Variants in GRIK3 observed in about 807,000 individuals in gnomAD.
GRIK3 encodes glutamate ionotropic receptor kainate type subunit 3, also known as glutamate receptor ionotropic, kainate 3.
In GRIK3, 29 loss-of-function variants were observed where a neutral mutation model predicts 102.5. The observed-to-expected ratio is 0.28, with a 90% CI of 0.21 to 0.39. The LOEUF (loss-of-function observed/expected upper bound fraction) is 0.39. Ranked by LOEUF, GRIK3 falls within the 10% of genes least tolerant of loss-of-function variation. The pLI is 1.00. For synonymous variants in GRIK3, 511 were observed against 504.9 expected, an observed-to-expected ratio of 1.01 and a Z score of -0.16; for missense variants, 908 against 1,252.4, an observed-to-expected ratio of 0.73 and a Z score of 4.15.
chr1:37,003,522 T>TG (rs1166741749), intron 1 of GRIK3, among the ~76,000 whole-genome samples: 1 of 152,156 alleles, frequency 6.6e-6, no homozygotes, highest in Non-Finnish European at 1.5e-5. Flanking sequence ...CCGGAGGTGG[T>TG]GGGGGTCTGT....
At chr1:36,842,217 G>T (rs1261862263) in intron 9 of GRIK3, among the ~76,000 whole-genome samples, 1 of 152,156 alleles carries the variant, frequency 6.6e-6, no homozygotes, top group African/African-American at 2.4e-5. Context: ...GTGGAGCAGG[G>T]CTTTGAACTG....
chr1:36,921,085 G>A (rs1163163656), intron 1 of GRIK3, among the ~76,000 whole-genome samples: 1 of 152,268 alleles, frequency 6.6e-6, no homozygotes, highest in Non-Finnish European at 1.5e-5. Context: ...GAGGGCCAGA[G>A]AGAGGGCAAG....
chr1:36,883,336 A>G (rs559085366), intron 2 of GRIK3, among the ~76,000 whole-genome samples: 1 of 152,358 alleles, frequency 6.6e-6, no homozygotes, highest in South Asian at 2.1e-4. Flanking sequence ...AGGTAGCACC[A>G]GGACCCCATT....
At chr1:36,803,322 G>A (rs1224907221) in intron 15 of GRIK3, among the ~76,000 whole-genome samples, 1 of 152,240 alleles carries the variant, frequency 6.6e-6, no homozygotes, top group Non-Finnish European at 1.5e-5. Flanking sequence ...CAGGAGTGGA[G>A]CAGAGTAGGG....
intron 1 of GRIK3, among the ~76,000 whole-genome samples, chr1:36,973,234 C>G (rs887046016): frequency 6.6e-6 from 1 of 152,140 alleles, no homozygotes; most frequent in African/African-American, 2.4e-5. Context: ...TTAGAAGCAA[C>G]ACTCCACCCC....
In GRIK3 at chr1:36,817,210, G is replaced by A; in HGVS notation, c.1941C>T (p.Leu647=). ...IIGGIWWFFT[L]IIISSYTANL... ...TGGCCGTGTAGGAAGAGATGATGATGAGCGTGAAGAACCACCAGATGCCAC... is the reference window on the plus strand; with the variant it reads ...TGGCCGTGTAGGAAGAGATGATGATAAGCGTGAAGAACCACCAGATGCCAC... The change falls in exon 13 of 16, where the codon CTC becomes CTT. Residue 647 remains leucine (L), a synonymous_variant. Coordinates refer to ENST00000373091, the MANE Select transcript of GRIK3 (RefSeq NM_000831.4). The A allele has an allele frequency of 1.2e-6, 2 of 1,613,902 alleles. No individual in the cohort carries two copies. Among genetic ancestry groups the A allele is most frequent in the Non-Finnish European group, 1.7e-6 (2 of 1,179,796 alleles).
chr1:36,853,750 A>G (rs367887885), intron 7 of GRIK3, 28 bp from the exon 8 acceptor site: 31 of 1,237,126 alleles, frequency 2.5e-5, no homozygotes, highest in African/African-American at 4.4e-5. Flanking sequence ...CAGAGCGGCA[A>G]TTCCTCGGGC....
At chr1:36,984,148 C>T (rs969271724) in intron 1 of GRIK3, among the ~76,000 whole-genome samples, 6 of 152,248 alleles carry the variant, frequency 3.9e-5, no homozygotes, top group Non-Finnish European at 8.8e-5. Flanking sequence ...CAACCACATA[C>T]CACCACTCAT....
In GRIK3 at chr1:36,817,157, C is replaced by T. The variant is rs569239695; in HGVS notation, c.1994G>A (p.Arg665His). 1.4e-5 allele frequency: 22 copies of T among 1,614,034 alleles called. No individual in the cohort carries two copies. The highest frequency in any genetic ancestry group is 3.3e-5 in the South Asian group (3 of 91,062). ...AGCAGAGTCAATGGGTGATTCCATGCGCTCCACGGTCAGAAAGGCAGCCAG... is the reference window on the plus strand; with the variant it reads ...AGCAGAGTCAATGGGTGATTCCATGTGCTCCACGGTCAGAAAGGCAGCCAG... ...ANLAAFLTVERMESPIDSADD... is the reference protein window; with the variant it reads ...ANLAAFLTVEHMESPIDSADD... Residue 665 changes from arginine (R) to histidine (H), a missense_variant, in exon 13 of 16, where the codon CGC becomes CAC. This residue lies in a region of GRIK3 where 297 missense variants were observed against 362.7 expected (regional missense o/e 0.82). Coordinates refer to ENST00000373091, the MANE Select transcript of GRIK3 (RefSeq NM_000831.4).
chr1:36,950,176 G>C (rs1177319393), intron 1 of GRIK3, among the ~76,000 whole-genome samples: 1 of 152,194 alleles, frequency 6.6e-6, no homozygotes, highest in South Asian at 2.1e-4. Context: ...CCCAGTCCTA[G>C]AAGTGTAGAA....
chr1:36,858,891 T>C (rs1295516653), intron 7 of GRIK3, among the ~76,000 whole-genome samples: 1 of 152,236 alleles, frequency 6.6e-6, no homozygotes, highest in Non-Finnish European at 1.5e-5. Context: ...GCTGAGCACT[T>C]ACCACATGCC....
intron 1 of GRIK3, among the ~76,000 whole-genome samples, chr1:37,003,296 T>C (rs1642497876): frequency 6.6e-6 from 1 of 152,240 alleles, no homozygotes; most frequent in Non-Finnish European, 1.5e-5. Context: ...CTTTAAATCA[T>C]TTTTGTGAAA....
At chr1:36,913,122 T>C (rs887258586) in intron 1 of GRIK3, among the ~76,000 whole-genome samples, 2 of 152,156 alleles carry the variant, frequency 1.3e-5, no homozygotes, top group Non-Finnish European at 2.9e-5. Context: ...GTGCCTGGCA[T>C]GAGTAGGCAG....
intron 1 of GRIK3, among the ~76,000 whole-genome samples, chr1:36,971,049 G>A (rs1642134779): frequency 6.6e-6 from 1 of 152,224 alleles, no homozygotes; most frequent in South Asian, 2.1e-4. Flanking sequence ...TGGCTTTACT[G>A]CTGTGGGACA....
chr1:36,884,619 C>T (rs1641018419), intron 2 of GRIK3, among the ~76,000 whole-genome samples: 1 of 152,206 alleles, frequency 6.6e-6, no homozygotes, highest in South Asian at 2.1e-4. Flanking sequence ...CCTGTAAACC[C>T]TGTAGGTTTC....
At position 36,829,006 on chromosome 1, in the gene GRIK3, G is replaced by C. The variant is rs563416164; in HGVS notation, c.1531-3180C>G. Reference sequence around the variant, plus strand: ...GTTTTAATGGGGTCAGGAGACCAAGGCATCCGCAGCATTCTATACCTACGG... The same window carrying C: ...GTTTTAATGGGGTCAGGAGACCAAGCCATCCGCAGCATTCTATACCTACGG... On this transcript the variant is annotated intron_variant, in intron 10 of 15. Transcript: ENST00000373091. 1.1e-4 allele frequency among the ~76,000 whole-genome samples: 17 copies of C among 152,282 alleles called. No homozygotes were observed. In the East Asian group the frequency reaches 3.3e-3, roughly 29 times the overall value.
In GRIK3 at chr1:36,921,403, A is replaced by G. The variant is rs145140474; in HGVS notation, c.116-30307T>C. Among the ~76,000 whole-genome samples the G allele has an allele frequency of 6.2e-3, 949 of 152,312 alleles. 13 individuals carry two copies. The highest frequency in any genetic ancestry group is 0.021 in the African/African-American group (890 of 41,564). ...GGGATGATCTTGTTAGCACATGATC[A>G]TTCTCAAATACTACTGAAGGATGAT... On this transcript the variant is annotated intron_variant, in intron 1 of 15. Coordinates refer to ENST00000373091, the MANE Select transcript of GRIK3 (RefSeq NM_000831.4).
intron 1 of GRIK3, among the ~76,000 whole-genome samples, chr1:36,996,052 C>T (rs1256263318): frequency 6.6e-6 from 1 of 152,204 alleles, no homozygotes; most frequent in Non-Finnish European, 1.5e-5. Flanking sequence ...GATCCTCCAC[C>T]ACCTGCCTCT....
At chr1:36,899,724 A>T (rs773069397) in intron 1 of GRIK3, among the ~76,000 whole-genome samples, 1 of 152,202 alleles carries the variant, frequency 6.6e-6, no homozygotes, top group Non-Finnish European at 1.5e-5. Context: ...AAGTAAATGA[A>T]TGAAGACATG....
Sources: gnomAD v4.1 joint callset for allele counts (sites outside exome capture counted in the v4.1 genomes callset) on GRCh38, gnomAD v4.1.1 for gene constraint, gnomAD v4.1.1 regional missense constraint, MANE v1.5 for transcripts, NCBI Gene and HGNC (gene_info 2026-07-23, HGNC 2026-07-21) for gene names.